Variants in SPAST observed in about 807,000 individuals in gnomAD.
The protein encoded by SPAST is spastic paraplegia 4 (autosomal dominant; spastin).
SPAST carries 30 observed loss-of-function variants against 76.6 expected under a neutral mutation model. The observed-to-expected ratio is 0.39, with a 90% CI of 0.29 to 0.53. The LOEUF is 0.53. Among genes scored for constraint, SPAST ranks in the 20% least tolerant of loss-of-function variants. The pLI is 0.68. For synonymous variants in SPAST, 305 were observed against 281.0 expected, an observed-to-expected ratio of 1.09 and a Z score of -0.86; for missense variants, 717 against 770.5, an observed-to-expected ratio of 0.93 and a Z score of 0.82.
intron 1 of SPAST, chr2:32,077,967 T>A (rs1376715270): frequency 8.1e-6 from 1 of 124,026 alleles, no homozygotes; most frequent in Non-Finnish European, 1.7e-5. Context: ...CATTTCTGTT[T>A]TTTTTTTTTG....
intron 1 of SPAST, among the ~76,000 whole-genome samples, chr2:32,073,542 C>G (rs188365543): frequency 6.6e-6 from 1 of 152,148 alleles, no homozygotes; most frequent in Non-Finnish European, 1.5e-5. Context: ...ATTGCCCAGG[C>G]TGGTCTTGAA....
intron 16 of SPAST, among the ~76,000 whole-genome samples, chr2:32,151,031 G>A (rs547369530): frequency 6.7e-6 from 1 of 150,152 alleles, no homozygotes; most frequent in Admixed American, 6.7e-5. Context: ...TGCAACCTCC[G>A]CCTCCTGGGT....
At chr2:32,082,812 T>A (rs1677293223) in intron 1 of SPAST, among the ~76,000 whole-genome samples, 1 of 152,210 alleles carries the variant, frequency 6.6e-6, no homozygotes, top group Non-Finnish European at 1.5e-5. Flanking sequence ...TGCATAATAT[T>A]TTTGAGATTT....
At position 32,138,388 on chromosome 2, in the gene SPAST, G is replaced by A. The variant is rs570398752; in HGVS notation, c.1493+1200G>A. The stretch of plus-strand genomic sequence containing the variant: ...ATTTTATTAATAGCCATTCTGACTG[G>A]TGTGAGATATCTCATTGTGATTTTG... On this transcript the variant is annotated intron_variant, in intron 12 of 16. Coordinates refer to ENST00000315285, the MANE Select transcript of SPAST (RefSeq NM_014946.4). Among the ~76,000 whole-genome samples the A allele has an allele frequency of 3.9e-5, 6 of 152,220 alleles. No individual in the cohort carries two copies. The East Asian group carries it at 1.2e-3, about 29-fold the overall frequency.
intron 15 of SPAST, 104 bp from the exon 16 acceptor site, chr2:32,147,114 G>T: frequency 1.3e-6 from 1 of 776,512 alleles, no homozygotes; most frequent in Non-Finnish European, 2.4e-6. Flanking sequence ...ATAATGATTT[G>T]TACTGAATAG....
intron 7 of SPAST, among the ~76,000 whole-genome samples, chr2:32,124,173 A>C (rs550197591): frequency 1.3e-5 from 2 of 152,348 alleles, no homozygotes; most frequent in East Asian, 3.9e-4. Context: ...AAACTCAACA[A>C]TAAGAAAATA....
chr2:32,067,237 T>G (rs1414096304), intron 1 of SPAST, among the ~76,000 whole-genome samples: 2 of 152,036 alleles, frequency 1.3e-5, no homozygotes, highest in East Asian at 3.9e-4. Flanking sequence ...AATTTTTGTG[T>G]TTTTAGTAGA....
chr2:32,105,733 C>A (rs1274078672), intron 4 of SPAST, among the ~76,000 whole-genome samples: 52 of 152,172 alleles, frequency 3.4e-4, no homozygotes, highest in Admixed American at 3.4e-3. Context: ...CCACTCCAGA[C>A]CCTGTTTGCC....
intron 3 of SPAST, among the ~76,000 whole-genome samples, chr2:32,096,894 C>A (rs868165127): frequency 1.5e-3 from 224 of 150,286 alleles, no homozygotes; most frequent in African/African-American, 5.1e-3. Context: ...AAAAAAAAAA[C>A]CTCCAAGGTA....
chr2:32,096,318 C>G (rs948166499), intron 3 of SPAST, among the ~76,000 whole-genome samples: 7 of 152,296 alleles, frequency 4.6e-5, no homozygotes, highest in African/African-American at 1.4e-4. Context: ...ACCTGTAATC[C>G]CAGCTATTCG....
chr2:32,103,666 G>C (rs1678210272), intron 4 of SPAST, among the ~76,000 whole-genome samples: 2 of 151,958 alleles, frequency 1.3e-5, no homozygotes, highest in South Asian at 4.2e-4. Context: ...GATATGTTGT[G>C]TCTTTGTTCT....
At chr2:32,082,212 C>G (rs567323111) in intron 1 of SPAST, among the ~76,000 whole-genome samples, 117 of 148,872 alleles carry the variant, frequency 7.9e-4, no homozygotes, top group Admixed American at 1.3e-3. Flanking sequence ...AGGCTGGTCT[C>G]GAACTCCTGA....
chr2:32,081,781 C>CAAAAAAAAAAAAAAAAAAAAAAAAAAAA (rs34078147), intron 1 of SPAST, among the ~76,000 whole-genome samples: 1 of 44,382 alleles, frequency 2.3e-5, no homozygotes, highest in Non-Finnish European at 4.0e-5. Context: ...GAGACACTGT[C>CAAAAAAAAAAAAAAAAAAAAAAAAAAAA]AAAAAAAAAA....
In SPAST at chr2:32,064,266, A is replaced by AGGGGGGG; in HGVS notation, c.415+25_415+26insGGGGGGG. On this transcript the variant is annotated intron_variant, in intron 1 of 16. Transcript: ENST00000315285. ...AGAAAGGTAACTAGGGGGCTGGGGG[A>AGGGGGGG]GGGGGCGGCGGCGCCGGGAAGAAGG... 2.2e-6 allele frequency: 1 copy of AGGGGGGG among 455,162 alleles called. No individual in the cohort carries two copies. The allele number at this position is 455,162 out of a possible 1,614,324, so 28.2% of individuals were successfully genotyped here. A position where few individuals can be genotyped will look rare whatever the true frequency, so the allele number is the denominator to read the frequency against.
At chr2:32,114,517 T>C in intron 4 of SPAST, 121 bp from the exon 5 acceptor site, 1 of 782,104 alleles carries the variant, frequency 1.3e-6, no homozygotes, top group South Asian at 1.6e-5. Context: ...CATTGAAATC[T>C]TATTTTGAAA....
chr2:32,122,689 C>T (rs957725200), intron 7 of SPAST, among the ~76,000 whole-genome samples: 1 of 151,734 alleles, frequency 6.6e-6, no homozygotes, highest in African/African-American at 2.4e-5. Context: ...CCTATAATCC[C>T]AGCACTTTCA....
intron 7 of SPAST, among the ~76,000 whole-genome samples, chr2:32,116,880 A>G (rs1453301691): frequency 6.6e-6 from 1 of 152,138 alleles, no homozygotes; most frequent in African/African-American, 2.4e-5. Context: ...TGGCAGGAGA[A>G]TTGCTTGAAC....
In SPAST at chr2:32,154,689, GTTGT is replaced by G. The variant is rs2148769555; in HGVS notation, c.*196_*199del. ...ATATACAATGCAAATGTAATTTTTT[GTTGT>G]TTAAGGCCTTGCCTTGATGGTCACA... On this transcript the variant is annotated 3_prime_UTR_variant, in exon 17 of 17. Coordinates refer to ENST00000315285, the MANE Select transcript of SPAST (RefSeq NM_014946.4). 2 of 603,522 alleles carry G rather than the reference GTTGT, an allele frequency of 3.3e-6. No individual in the cohort carries two copies. The highest frequency in any genetic ancestry group is 5.8e-6 in the Non-Finnish European group (2 of 347,492). The allele number at this position is 603,522 out of a possible 1,614,324, so 37.4% of individuals were successfully genotyped here. A position where few individuals can be genotyped will look rare whatever the true frequency, so the allele number is the denominator to read the frequency against.
chr2:32,086,449 G>A (rs752664076), intron 1 of SPAST, among the ~76,000 whole-genome samples: 2 of 147,886 alleles, frequency 1.4e-5, no homozygotes, highest in Non-Finnish European at 3.0e-5. Flanking sequence ...GTGGGTGACA[G>A]CAAGACTCTG....
Sources: gnomAD v4.1 joint callset for allele counts (sites outside exome capture counted in the v4.1 genomes callset) on GRCh38, gnomAD v4.1.1 for gene constraint, MANE v1.5 for transcripts, NCBI Gene and HGNC (gene_info 2026-07-23, HGNC 2026-07-21) for gene names.